HCFC2: variants seen among roughly 807,000 people sequenced by gnomAD.
The protein encoded by HCFC2 is host cell factor C2, also known as host cell factor 2.
In HCFC2, 18 loss-of-function variants were observed where a neutral mutation model predicts 89.2. The ratio of observed to expected loss-of-function variants is 0.20; its 90% CI spans 0.14 to 0.30. The LOEUF (loss-of-function observed/expected upper bound fraction) is 0.30, where lower values mean the gene tolerates loss of function less well. HCFC2 is among the 10% of genes least tolerant of loss of function. The pLI is 1.00. For synonymous variants in HCFC2, 308 were observed against 335.7 expected (o/e 0.92, Z 0.90); for missense variants, 578 against 956.1 (o/e 0.60, Z 5.21).
chr12:104,103,450 CAA>C lies in HCFC2; in HGVS notation c.*179_*180del. The C allele has an allele frequency of 1.7e-6, 1 of 576,780 alleles. No homozygotes were observed. Among genetic ancestry groups the C allele is most frequent in the East Asian group, 2.9e-5 (1 of 34,704 alleles). 35.7% of individuals were successfully genotyped at this position (576,780 alleles called of 1,614,324 possible). A position where few individuals can be genotyped will look rare whatever the true frequency, so the allele number is the denominator to read the frequency against. On this transcript the variant is annotated 3_prime_UTR_variant, in exon 15 of 15. Coordinates refer to ENST00000229330, the MANE Select transcript of HCFC2 (RefSeq NM_013320.3). ...ATAGATCCAAATAAAAGAAAAGAAG[CAA>C]AGACTCTCTGAAAATTAGTATATGA...
intron 3 of HCFC2, among the ~76,000 whole-genome samples, chr12:104,069,060 C>G (rs1403227115): frequency 2.0e-5 from 3 of 152,168 alleles, no homozygotes; most frequent in South Asian, 4.1e-4. Context: ...AATCCCAGCA[C>G]TTTGGGAAGC....
intron 2 of HCFC2, among the ~76,000 whole-genome samples, chr12:104,066,539 T>C (rs991858354): frequency 1.3e-5 from 2 of 152,246 alleles, no homozygotes; most frequent in Non-Finnish European, 2.9e-5. Flanking sequence ...AAACCCAAAG[T>C]TTCCTGGCAA....
intron 9 of HCFC2, among the ~76,000 whole-genome samples, chr12:104,091,480 C>G (rs1400504747): frequency 6.6e-6 from 1 of 152,214 alleles, no homozygotes; most frequent in Non-Finnish European, 1.5e-5. Flanking sequence ...TCTCTTCTGC[C>G]ATTCTCTTTT....
In HCFC2 at chr12:104,068,858, T is replaced by C. The variant is rs779944320; in HGVS notation, c.473+751T>C. ...GGGAACTATACTGTTCCATGTAGTTTTTTTTTTTAATAAATTTTATTTGTG... is the reference window on the plus strand; with the variant it reads ...GGGAACTATACTGTTCCATGTAGTTCTTTTTTTTAATAAATTTTATTTGTG... On this transcript the variant is annotated intron_variant, in intron 3 of 14. Transcript: ENST00000229330. The surrounding 1 kb of genome is among the most constrained non-coding windows in gnomAD (Gnocchi z 4.1). Among the ~76,000 whole-genome samples the C allele has an allele frequency of 6.1e-4, 93 of 152,266 alleles. 2 individuals are homozygous for C. The highest frequency in any genetic ancestry group is 2.1e-4 in the South Asian group (1 of 4,826).
Position 104,106,032 on chromosome 12 carries a change from TTTA to T in HCFC2, c.*2760_*2762del. On this transcript the variant is annotated 3_prime_UTR_variant, in exon 15 of 15. Transcript: ENST00000229330. ...TTCTAAAATATCATATTGGCTTCAT[TTTA>T]GTTTAATAAACTTCTTTGGCAACTT... The T allele has an allele frequency of 6.6e-6, 1 of 152,146 alleles. No individual in the cohort carries two copies. The highest frequency in any genetic ancestry group is 1.5e-5 in the Non-Finnish European group (1 of 67,958). The allele number at this position is 152,146 out of a possible 1,614,324, so 9.4% of individuals were successfully genotyped here. A position where few individuals can be genotyped will look rare whatever the true frequency, so the allele number is the denominator to read the frequency against.
At position 104,095,493 on chromosome 12, in the gene HCFC2, A is replaced by G. The variant is rs1213417710; in HGVS notation, c.1596A>G (p.Glu532=). 6.2e-7 allele frequency: 1 copy of G among 1,613,794 alleles called. No individual in the cohort carries two copies. Among genetic ancestry groups the G allele is most frequent in the Non-Finnish European group, 8.5e-7 (1 of 1,179,794 alleles). Residue 532 remains glutamate, a synonymous_variant, in exon 11 of 15, where the codon GAA becomes GAG. Transcript: ENST00000229330. The surrounding 1 kb of genome is among the most constrained non-coding windows in gnomAD (Gnocchi z 4.2). Reference sequence around the variant, plus strand: ...TAACCCAGCAGACCATTAAAACTGAATCATCCAGTACAAATGGGGCAGTTG... The same window carrying G: ...TAACCCAGCAGACCATTAAAACTGAGTCATCCAGTACAAATGGGGCAGTTG... ...TMVTQQTIKT[E]SSSTNGAVVK...
chr12:104,078,986 TA>T (rs1883596447), intron 3 of HCFC2, among the ~76,000 whole-genome samples: 1 of 152,188 alleles, frequency 6.6e-6, no homozygotes, highest in South Asian at 2.1e-4. Context: ...GTGAGTGTTC[TA>T]GTTAAGCCAT....
intron 10 of HCFC2, among the ~76,000 whole-genome samples, chr12:104,093,783 T>TG (rs905923809): frequency 6.6e-6 from 1 of 151,626 alleles, no homozygotes; most frequent in Non-Finnish European, 1.5e-5. Flanking sequence ...GCAATTTTTT[T>TG]TTTTTTTAAA....
At chr12:104,082,107 T>G (rs1353219520) in intron 5 of HCFC2, among the ~76,000 whole-genome samples, 1 of 152,188 alleles carries the variant, frequency 6.6e-6, no homozygotes, top group African/African-American at 2.4e-5. Flanking sequence ...CAAAGTTATA[T>G]GAAATTTAAT....
At chr12:104,077,149 C>A (rs960581153) in intron 3 of HCFC2, among the ~76,000 whole-genome samples, 1 of 151,964 alleles carries the variant, frequency 6.6e-6, no homozygotes, top group Non-Finnish European at 1.5e-5. Flanking sequence ...TTTTCTCCAA[C>A]GTGTACTAAA....
At chr12:104,081,671 A>AT (rs1419924737) in intron 5 of HCFC2, among the ~76,000 whole-genome samples, 6 of 151,216 alleles carry the variant, frequency 4.0e-5, no homozygotes, top group Non-Finnish European at 8.8e-5. Context: ...AATCTTATAC[A>AT]TTTTTTTAAC....
chr12:104,102,289 A>G (rs563315301), intron 14 of HCFC2, 136 bp downstream of exon 14: 17 of 796,430 alleles, frequency 2.1e-5, no homozygotes, highest in Middle Eastern at 3.1e-4. Context: ...TTTAAAGTTT[A>G]AAAAATAATT....
In HCFC2 at chr12:104,068,038, A is replaced by G. The variant is rs755307706; in HGVS notation, c.404A>G (p.Tyr135Cys). 43 of 1,604,198 alleles carry G rather than the reference A, an allele frequency of 2.7e-5. No homozygotes were observed. In the East Asian group the frequency reaches 8.9e-4, roughly 33 times the overall value. Residue 135 changes from tyrosine to cysteine, a missense_variant, in exon 3 of 15, where the codon TAT becomes TGT. Tyr to Cys is a radical substitution (Grantham distance 194). Coordinates refer to ENST00000229330, the MANE Select transcript of HCFC2 (RefSeq NM_013320.3). This position sits in a 1 kb window ranked among gnomAD's most constrained non-coding sequence, Gnocchi z 4.1. ...CPRLGHSFSL[Y>C]GNKCYLFGGL... is the part of the protein sequence containing the mutation. ...CGGCTTGGACATAGCTTCTCTTTAT[A>G]TGGTAACAAATGCTATTTGTTTGGT...
chr12:104,103,193 G>A lies in HCFC2; in HGVS notation c.2299G>A (p.Ala767Thr). The A allele has an allele frequency of 6.2e-7, 1 of 1,614,086 alleles. No homozygotes were observed. The highest frequency in any genetic ancestry group is 8.5e-7 in the Non-Finnish European group (1 of 1,179,956). Reference protein sequence around the residue: ...SRPAIVFRISAKNEKGYGPAT... With the variant: ...SRPAIVFRISTKNEKGYGPAT... Reference sequence around the variant, plus strand: ...GCCTGCCATTGTGTTCAGGATATCAGCAAAGAATGAAAAGGGATATGGACC... The same window carrying A: ...GCCTGCCATTGTGTTCAGGATATCAACAAAGAATGAAAAGGGATATGGACC... Residue 767 changes from alanine (A) to threonine (T), a missense_variant, in exon 15 of 15, where the codon GCA becomes ACA. Physicochemically the swap from Ala to Thr is moderately conservative, Grantham distance 58. Coordinates refer to ENST00000229330, the MANE Select transcript of HCFC2 (RefSeq NM_013320.3).
At chr12:104,081,604 T>G (rs572245954) in intron 5 of HCFC2, among the ~76,000 whole-genome samples, 542 of 151,984 alleles carry the variant, frequency 3.6e-3, no homozygotes, top group Non-Finnish European at 5.9e-3. Context: ...AACCTAGTTT[T>G]TTTTTTTTTT....
chr12:104,079,125 G>A (rs141546644), intron 3 of HCFC2, among the ~76,000 whole-genome samples: 390 of 152,330 alleles, frequency 2.6e-3, no homozygotes, highest in Non-Finnish European at 4.0e-3. Flanking sequence ...CTGATGGGAA[G>A]ATTGTCAGAG....
At position 104,095,247 on chromosome 12, in the gene HCFC2, C is replaced by G; in HGVS notation, c.1463-113C>G. 5 of 744,966 alleles carry G rather than the reference C, an allele frequency of 6.7e-6. No homozygotes were observed. Among genetic ancestry groups the G allele is most frequent in the Non-Finnish European group, 1.1e-5 (5 of 449,314 alleles). 46.1% of individuals were successfully genotyped at this position (744,966 alleles called of 1,614,324 possible). On this transcript the variant is annotated intron_variant, in intron 10 of 14. Transcript: ENST00000229330. The surrounding 1 kb of genome is among the most constrained non-coding windows in gnomAD (Gnocchi z 4.2). ...ATTCATACTAATACCATTTGTGGTG[C>G]TCATGTATGATTTTAAAACTGAAAG...
chr12:104,079,472 G>A lies in HCFC2; in HGVS notation c.501G>A (p.Glu167=). The change falls in exon 4 of 15, where the codon GAG becomes GAA. Residue 167 remains glutamate, a synonymous_variant. Coordinates refer to ENST00000229330, the MANE Select transcript of HCFC2 (RefSeq NM_013320.3). ...PRYLNDFYEL[E]LQHGSGVVGW... ...ATTTAAATGATTTTTATGAGTTGGA[G>A]CTACAGCATGGCTCTGGTGTTGTGG... 6.2e-7 allele frequency: 1 copy of A among 1,613,916 alleles called. No individual in the cohort carries two copies. The highest frequency in any genetic ancestry group is 8.5e-7 in the Non-Finnish European group (1 of 1,179,886).
At chr12:104,083,327 G>C (rs539164989) in intron 7 of HCFC2, among the ~76,000 whole-genome samples, 2 of 152,220 alleles carry the variant, frequency 1.3e-5, no homozygotes, top group Admixed American at 1.3e-4. Flanking sequence ...GCCTAACTAT[G>C]AGAAAACATC....
Sources: gnomAD v4.1 joint callset for allele counts (sites outside exome capture counted in the v4.1 genomes callset) on GRCh38, gnomAD v4.1.1 for gene constraint, Gnocchi (gnomAD v3.1) non-coding constraint, MANE v1.5 for transcripts, NCBI Gene and HGNC (gene_info 2026-07-23, HGNC 2026-07-21) for gene names.